The following TBC1D14 variants were observed in gnomAD, a reference collection of about 807,000 sequenced individuals.
TBC1D14 encodes TBC1 domain family member 14.
TBC1D14 carries 26 observed loss-of-function variants against 79.0 expected under a neutral mutation model. That is an observed-to-expected ratio of 0.33 (90% CI 0.24 to 0.46). TBC1D14 has a LOEUF of 0.46. Ranked by LOEUF, TBC1D14 falls within the 20% of genes least tolerant of loss-of-function variation. The pLI is 1.00. For synonymous variants in TBC1D14, 394 were observed against 349.9 expected (o/e 1.13, Z -1.40); for missense variants, 769 against 887.6 (o/e 0.87, Z 1.70).
At chr4:6,986,939 C>A (rs907382615) in intron 3 of TBC1D14, among the ~76,000 whole-genome samples, 2 of 152,248 alleles carry the variant, frequency 1.3e-5, no homozygotes, top group Non-Finnish European at 2.9e-5. Context: ...CTCACTAGTG[C>A]GACTATTTTT....
At chr4:7,007,856 C>T (rs1373800548) in intron 9 of TBC1D14, among the ~76,000 whole-genome samples, 1 of 152,248 alleles carries the variant, frequency 6.6e-6, no homozygotes, top group African/African-American at 2.4e-5. Context: ...TTTCTTCCCC[C>T]AGCCCAAAAG....
intron 12 of TBC1D14, among the ~76,000 whole-genome samples, chr4:7,016,912 T>G (rs1321741682): frequency 6.6e-6 from 1 of 152,112 alleles, no homozygotes; most frequent in East Asian, 1.9e-4. Flanking sequence ...GGCACCAGCG[T>G]TTTTTGACTC....
chr4:6,944,033 G>GA (rs397693632), intron 2 of TBC1D14, among the ~76,000 whole-genome samples: 1 of 151,846 alleles, frequency 6.6e-6, no homozygotes, highest in Non-Finnish European at 1.5e-5. Flanking sequence ...TCTGCCGGGG[G>GA]TTTGGGTTTT....
At chr4:6,971,140 T>G (rs1248991906) in intron 3 of TBC1D14, among the ~76,000 whole-genome samples, 1 of 152,170 alleles carries the variant, frequency 6.6e-6, no homozygotes, top group African/African-American at 2.4e-5. Flanking sequence ...AGCTTTGGAC[T>G]TGCAGGCTTG....
intron 3 of TBC1D14, chr4:6,987,282 G>C (rs1717957294): frequency 7.5e-7 from 1 of 1,340,028 alleles, no homozygotes. Context: ...GGGAGGGAGG[G>C]AGGCCGGCCC....
chr4:6,938,077 G>A (rs556168268), intron 2 of TBC1D14, among the ~76,000 whole-genome samples: 24 of 152,304 alleles, frequency 1.6e-4, no homozygotes, highest in Admixed American at 5.2e-4. Context: ...GTGCCGTCCC[G>A]GGCGTTGTGG....
chr4:6,991,378 C>T (rs545611271), intron 3 of TBC1D14, among the ~76,000 whole-genome samples: 9 of 152,312 alleles, frequency 5.9e-5, no homozygotes, highest in Non-Finnish European at 1.2e-4. Flanking sequence ...TGTGACCCAG[C>T]TTCCCCACTT....
At chr4:7,015,548 C>T (rs1721196129) in intron 12 of TBC1D14, among the ~76,000 whole-genome samples, 1 of 152,068 alleles carries the variant, frequency 6.6e-6, no homozygotes, top group South Asian at 2.1e-4. Flanking sequence ...CAGCATTGGG[C>T]CAGGCAGGTC....
rs561133063 is a variant in TBC1D14 at position 7,020,762 on chromosome 4, G to T, written c.1758-4242G>T. ...TCTTTCCAGTCTGGAGTGCAGTGGT[G>T]CGATCTTGGCTCGCTGCAGCCTCCG... On this transcript the variant is annotated intron_variant, in intron 12 of 13. Transcript: ENST00000409757. 9.2e-5 allele frequency among the ~76,000 whole-genome samples: 14 copies of T among 152,212 alleles called. No homozygotes were observed. The South Asian group carries it at 2.9e-3, about 32-fold the overall frequency.
intron 2 of TBC1D14, among the ~76,000 whole-genome samples, chr4:6,953,728 G>A (rs974696408): frequency 6.6e-6 from 1 of 151,068 alleles, no homozygotes; most frequent in Admixed American, 6.6e-5. Context: ...AGCATTTGAA[G>A]TGAGTGAGGG....
intron 8 of TBC1D14, among the ~76,000 whole-genome samples, chr4:7,005,981 AC>A (rs1449045574): frequency 2.0e-5 from 3 of 152,240 alleles, no homozygotes; most frequent in African/African-American, 7.2e-5. Flanking sequence ...GATCATTTTT[AC>A]AGTCTTTGTG....
chr4:6,969,878 G>A (rs34219101), intron 3 of TBC1D14, among the ~76,000 whole-genome samples: 35,918 of 151,944 alleles, frequency 0.24, 4,447 homozygotes, highest in African/African-American at 0.31. Context: ...TTACCTGCGC[G>A]AGTCATTCAA....
chr4:6,965,535 T>C (rs749697419), intron 2 of TBC1D14, among the ~76,000 whole-genome samples: 4 of 152,224 alleles, frequency 2.6e-5, no homozygotes, highest in Non-Finnish European at 5.9e-5. Flanking sequence ...TCAGATGTCC[T>C]GTGCCATCTG....
At chr4:6,976,622 G>A (rs1468538180) in intron 3 of TBC1D14, among the ~76,000 whole-genome samples, 2 of 152,182 alleles carry the variant, frequency 1.3e-5, no homozygotes, top group African/African-American at 4.8e-5. Flanking sequence ...GATGAAAAAC[G>A]AAGAATTTGT....
chr4:6,956,819 C>T (rs188577444), intron 2 of TBC1D14, among the ~76,000 whole-genome samples: 19 of 152,322 alleles, frequency 1.2e-4, no homozygotes, highest in African/African-American at 4.6e-4. Flanking sequence ...GGTCTGTGGC[C>T]GGGCTCAGGT....
At chr4:7,014,388 T>C (rs1162368403) in intron 11 of TBC1D14, 60 bp from the exon 12 acceptor site, 6 of 1,170,244 alleles carry the variant, frequency 5.1e-6, no homozygotes, top group Non-Finnish European at 6.3e-6. Context: ...ATATTGACTT[T>C]TTTGTAAATT....
At chr4:6,967,491 C>T (rs1334316435) in intron 3 of TBC1D14, 67 bp downstream of exon 3, 1 of 1,554,446 alleles carries the variant, frequency 6.4e-7, no homozygotes, top group Non-Finnish European at 8.7e-7. Context: ...ATGAACCTTG[C>T]AAAAATGACC....
chr4:6,925,042 C>G (rs980904409), intron 2 of TBC1D14, among the ~76,000 whole-genome samples: 4 of 152,136 alleles, frequency 2.6e-5, no homozygotes, highest in African/African-American at 9.7e-5. Flanking sequence ...CCTGTAATCT[C>G]AACACTTTGG....
intron 2 of TBC1D14, among the ~76,000 whole-genome samples, chr4:6,951,835 A>G (rs546403607): frequency 6.6e-6 from 1 of 152,314 alleles, no homozygotes; most frequent in Admixed American, 6.5e-5. Flanking sequence ...GTGAGTTTCT[A>G]AATTATTGAC....
Sources: gnomAD v4.1 joint callset for allele counts (sites outside exome capture counted in the v4.1 genomes callset) on GRCh38, gnomAD v4.1.1 for gene constraint, MANE v1.5 for transcripts, NCBI Gene and HGNC (gene_info 2026-07-23, HGNC 2026-07-21) for gene names.